Variants in SAMD12 observed in about 807,000 individuals in gnomAD.
The protein encoded by SAMD12 is sterile alpha motif domain containing 12.
In SAMD12, 9 loss-of-function variants were observed where a neutral mutation model predicts 15.0. The observed-to-expected ratio is 0.60, with a 90% CI of 0.36 to 1.05. The LOEUF (loss-of-function observed/expected upper bound fraction) is 1.05. Ranked by LOEUF, SAMD12 falls within the 50% of genes least tolerant of loss-of-function variation. The pLI is 0.01. For synonymous variants in SAMD12, 86 were observed against 90.1 expected (o/e 0.96, Z 0.25); for missense variants, 230 against 234.2 (o/e 0.98, Z 0.12).
chr8:118,248,554 T>C (rs930866986), intron 4 of SAMD12, among the ~76,000 whole-genome samples: 1 of 152,012 alleles, frequency 6.6e-6, no homozygotes, highest in Non-Finnish European at 1.5e-5. Flanking sequence ...CAATCATGAG[T>C]ATATATTCGC....
intron 2 of SAMD12, among the ~76,000 whole-genome samples, chr8:118,456,877 A>G (rs183602585): frequency 2.2e-3 from 329 of 152,340 alleles, no homozygotes; most frequent in Non-Finnish European, 3.5e-3. Flanking sequence ...GGAAGTTTGT[A>G]TGACATCACA....
At position 118,379,428 on chromosome 8, in the gene SAMD12, T is replaced by A. The variant is rs373459822; in HGVS notation, c.595A>T (p.Ile199Leu). 7.5e-5 allele frequency: 121 copies of A among 1,613,218 alleles called. No individual in the cohort carries two copies. Among genetic ancestry groups the A allele is most frequent in the Non-Finnish European group, 1.0e-4 (118 of 1,179,582 alleles). Residue 199 changes from isoleucine (I) to leucine (L), a missense_variant, in exon 4 of 4, where the codon ATA becomes TTA. Coordinates refer to ENST00000314727, the MANE Select transcript of SAMD12 (RefSeq NM_207506.3). ...LHRISIIENS[I>L]QI The stretch of plus-strand genomic sequence containing the variant: ...AAAGGGAAGTAATCTTAAATCTGTA[T>A]ACTATTTTCTATGATGGAAATTCTG...
intron 4 of SAMD12, among the ~76,000 whole-genome samples, chr8:118,248,993 C>A (rs1041993961): frequency 5.3e-5 from 8 of 152,074 alleles, no homozygotes. Context: ...TGATCCCCCA[C>A]GGATCCCAAA....
the SAMD12 span, among the ~76,000 whole-genome samples, chr8:118,174,836 C>G: frequency 1.3e-5 from 2 of 152,222 alleles, no homozygotes; most frequent in South Asian, 4.2e-4. Context: ...TTTTTCCCCT[C>G]TATGTGTGCA....
At chr8:118,376,536 T>A (rs1236437099), downstream of SAMD12, among the ~76,000 whole-genome samples, 1 of 152,160 alleles carries the variant, frequency 6.6e-6, no homozygotes, top group South Asian at 2.1e-4. Flanking sequence ...GCCTCCAGAA[T>A]TGTAAGAGAG....
intron 4 of SAMD12, among the ~76,000 whole-genome samples, chr8:118,292,599 C>T (rs1237217314): frequency 6.6e-6 from 1 of 151,834 alleles, no homozygotes; most frequent in African/African-American, 2.4e-5. Flanking sequence ...GACACATGCA[C>T]ACGTATGTTT....
At chr8:118,201,850 A>AT (rs1819724302) in intron 4 of SAMD12, among the ~76,000 whole-genome samples, 1 of 152,224 alleles carries the variant, frequency 6.6e-6, no homozygotes, top group East Asian at 1.9e-4. Context: ...ATGGGCCATC[A>AT]TTACTATTAA....
At chr8:118,429,311 G>T (rs576320178) in intron 3 of SAMD12, among the ~76,000 whole-genome samples, 2 of 152,184 alleles carry the variant, frequency 1.3e-5, no homozygotes, top group Admixed American at 1.3e-4. Context: ...CAGCATGAAG[G>T]TCAAAGGAAA....
chr8:118,451,669 C>A (rs780950959), intron 2 of SAMD12, among the ~76,000 whole-genome samples: 12 of 152,106 alleles, frequency 7.9e-5, no homozygotes, highest in Non-Finnish European at 1.8e-4. Flanking sequence ...AAAACAGAAG[C>A]ACTAGAAAAT....
At chr8:118,353,140 C>A (rs1818043472) in intron 4 of SAMD12, among the ~76,000 whole-genome samples, 1 of 150,224 alleles carries the variant, frequency 6.7e-6, no homozygotes, top group African/African-American at 2.5e-5. Flanking sequence ...ATATTTTGAT[C>A]TTTTTGTATG....
At chr8:118,380,739 T>G (rs570033706) in intron 3 of SAMD12, among the ~76,000 whole-genome samples, 1 of 152,250 alleles carries the variant, frequency 6.6e-6, no homozygotes, top group Non-Finnish European at 1.5e-5. Context: ...TATTATCATA[T>G]ACATTTCACA....
chr8:118,479,337 A>T (rs879673614), intron 2 of SAMD12, among the ~76,000 whole-genome samples: 1 of 152,184 alleles, frequency 6.6e-6, no homozygotes, highest in African/African-American at 2.4e-5. Context: ...CAGAAGAAAA[A>T]TAGGTTGGAT....
the SAMD12 span, among the ~76,000 whole-genome samples, chr8:118,132,707 C>G: frequency 6.6e-6 from 1 of 152,052 alleles, no homozygotes; most frequent in Non-Finnish European, 1.5e-5. Flanking sequence ...CTCTTAGGAG[C>G]TACTTCCTGG....
chr8:118,621,772 G>A, intron 1 of SAMD12, 32 bp downstream of exon 1: 11 of 1,612,824 alleles, frequency 6.8e-6, no homozygotes, highest in Non-Finnish European at 9.3e-6. Context: ...CGGGTTAAGA[G>A]GGAGCTTAAA....
chr8:118,530,797 T>G (rs1211079316), intron 2 of SAMD12, among the ~76,000 whole-genome samples: 1 of 152,186 alleles, frequency 6.6e-6, no homozygotes, highest in Non-Finnish European at 1.5e-5. Flanking sequence ...TAGATGAGCT[T>G]TTGCTAGGTT....
intron 4 of SAMD12, among the ~76,000 whole-genome samples, chr8:118,268,355 A>T (rs1345293881): frequency 2.0e-5 from 3 of 152,234 alleles, no homozygotes; most frequent in Admixed American, 6.5e-5. Context: ...ATGCTATCCA[A>T]GGCTGAGAAT....
chr8:118,604,783 G>A (rs191739442), intron 1 of SAMD12, among the ~76,000 whole-genome samples: 4,133 of 152,082 alleles, frequency 0.027, 80 homozygotes, highest in Middle Eastern at 0.051. Context: ...TTAGGGGGGC[G>A]TGGTGGCGGG....
rs145457235 is a variant in SAMD12 at position 118,616,777 on chromosome 8, C to A, written c.13+5027G>T. On this transcript the variant is annotated intron_variant, in intron 1 of 3. Transcript: ENST00000314727. ...AGTCCGTGGCCTATTAGGAACCACA[C>A]CGCACAGCAGGATGTGAGCAGTGAG... Among the ~76,000 whole-genome samples, 1,136 of 152,298 alleles carry A rather than the reference C, an allele frequency of 7.5e-3. 11 individuals carry two copies. Among genetic ancestry groups the A allele is most frequent in the African/African-American group, 0.024 (991 of 41,540 alleles).
chr8:118,462,195 T>A (rs901244940), intron 2 of SAMD12, among the ~76,000 whole-genome samples: 1 of 152,204 alleles, frequency 6.6e-6, no homozygotes, highest in Non-Finnish European at 1.5e-5. Flanking sequence ...TATGTGCACA[T>A]CTGATTATAT....
Sources: gnomAD v4.1 joint callset for allele counts (sites outside exome capture counted in the v4.1 genomes callset) on GRCh38, gnomAD v4.1.1 for gene constraint, MANE v1.5 for transcripts, NCBI Gene and HGNC (gene_info 2026-07-23, HGNC 2026-07-21) for gene names.